Variants in CA9 observed in about 807,000 individuals in gnomAD.
CA9 encodes CA-IX.
A neutral mutation model predicts 51.8 loss-of-function variants in CA9; 43 were observed. The ratio of observed to expected loss-of-function variants is 0.83; its 90% CI spans 0.65 to 1.07. CA9 has a LOEUF of 1.07. CA9 is among the 50% of genes least tolerant of loss of function. CA9 has a pLI of 0.00. For missense variants in CA9, 574 were observed against 581.4 expected (o/e 0.99, Z 0.13); for synonymous variants, 253 against 244.2 (o/e 1.04, Z -0.34).
intron 5 of CA9, among the ~76,000 whole-genome samples, chr9:35,677,342 C>T (rs1365572839): frequency 6.6e-6 from 1 of 152,160 alleles, no homozygotes; most frequent in Non-Finnish European, 1.5e-5. Context: ...AAGCCAAACA[C>T]AGAATCATGA....
chr9:35,675,675 C>CG, intron 2 of CA9, 86 bp from the exon 3 acceptor site: 2 of 1,413,866 alleles, frequency 1.4e-6, no homozygotes, highest in Non-Finnish European at 2.0e-6. Context: ...CGCCGCCCAC[C>CG]GTCCCACCCC....
intron 6 of CA9, 56 bp downstream of exon 6, chr9:35,677,912 C>A: frequency 1.4e-6 from 2 of 1,479,804 alleles, no homozygotes; most frequent in Non-Finnish European, 1.9e-6. Flanking sequence ...AAGAATCACC[C>A]TTTGGAGCTT....
At chr9:35,674,388 C>G in intron 1 of CA9, 26 bp downstream of exon 1, 1 of 1,586,662 alleles carries the variant, frequency 6.3e-7, no homozygotes. Context: ...TCTCCAAATC[C>G]AGGTTCCAGG....
chr9:35,675,909 C>A lies in CA9; in HGVS notation c.582C>A (p.Arg194=), dbSNP rs1824410609. 6.2e-7 allele frequency: 1 copy of A among 1,608,494 alleles called. No individual in the cohort carries two copies. ...AGCTCCCGCCGCTCCCAGAACTGCGCCTGCGCAACAATGGCCACAGTGGTG... is the reference window on the plus strand; with the variant it reads ...AGCTCCCGCCGCTCCCAGAACTGCGACTGCGCAACAATGGCCACAGTGGTG... ...GFQLPPLPEL[R]LRNNGHSVQL... The change falls in exon 3 of 11, where the codon CGC becomes CGA. Residue 194 remains arginine (R), a synonymous_variant. Coordinates refer to ENST00000378357, the MANE Select transcript of CA9 (RefSeq NM_001216.3).
chr9:35,674,218 G>A lies in CA9; in HGVS notation c.259G>A (p.Glu87Lys), dbSNP rs760594473. 7 of 1,612,574 alleles carry A rather than the reference G, an allele frequency of 4.3e-6. No homozygotes were observed. The highest frequency in any genetic ancestry group is 4.0e-5 in the African/African-American group (3 of 74,904). The change falls in exon 1 of 11, where the codon GAG (glutamate) becomes AAG (lysine). Residue 87 changes from glutamate to lysine, a missense_variant. Glu to Lys is a moderately conservative substitution (Grantham distance 56). Transcript: ENST00000378357. ...CGGAGAGGAGGATCTACCTGGAGAGGAGGATCTACCTGGAGAGGAGGATCT... is the reference window on the plus strand; with the variant it reads ...CGGAGAGGAGGATCTACCTGGAGAGAAGGATCTACCTGGAGAGGAGGATCT... ...PPGEEDLPGEEDLPGEEDLPE... is the reference protein window; with the variant it reads ...PPGEEDLPGEKDLPGEEDLPE...
Position 35,676,965 on chromosome 9 carries a change from G to C in CA9, c.840+576G>C, listed in dbSNP as rs573249947. Among the ~76,000 whole-genome samples, 6 of 152,322 alleles carry C rather than the reference G, an allele frequency of 3.9e-5. No individual in the cohort carries two copies. In the South Asian group the frequency reaches 1.2e-3, roughly 32 times the overall value. On this transcript the variant is annotated intron_variant, in intron 5 of 10. Transcript: ENST00000378357. ...CCTCCCGGGTTCAAGGGATTCTCCT[G>C]CCTCAGCTTCCTGAGTAGCTGGGGT...
intron 7 of CA9, 100 bp from the exon 8 acceptor site, chr9:35,679,754 C>A: frequency 8.9e-7 from 1 of 1,128,506 alleles, no homozygotes; most frequent in Non-Finnish European, 1.3e-6. Flanking sequence ...AATACAGGAG[C>A]TGGAGGGTGG....
In CA9 at chr9:35,675,791, C is replaced by T; in HGVS notation, c.464C>T (p.Ala155Val). The T allele has an allele frequency of 6.2e-7, 1 of 1,602,970 alleles. No individual in the cohort carries two copies. Residue 155 changes from alanine to valine, a missense_variant, in exon 3 of 11, where the codon GCC becomes GTC. Ala to Val is a moderately conservative substitution (Grantham distance 64). Transcript: ENST00000378357. ...CCGCCCTGGCCCCGGGTGTCCCCAG[C>T]CTGCGCGGGCCGCTTCCAGTCCCCG... is the stretch of plus-strand genomic sequence containing the variant. ...GDPPWPRVSP[A>V]CAGRFQSPVD...
rs746817775 is a variant in CA9, at chr9:35,674,364, T to G, written c.403+2T>G. 1.2e-6 allele frequency: 2 copies of G among 1,604,940 alleles called. No homozygotes were observed. Among genetic ancestry groups the G allele is most frequent in the Non-Finnish European group, 1.7e-6 (2 of 1,176,110 alleles). On this transcript the variant is annotated splice_donor_variant, in intron 1 of 10. Transcript: ENST00000378357. LOFTEE classifies it high-confidence loss of function. The stretch of plus-strand genomic sequence containing the variant: ...ATAATGCCCACAGGGACAAAGAAGG[T>G]AAGTGGTCATCAATCTCCAAATCCA...
At chr9:35,675,494 T>C (rs773442966) in intron 1 of CA9, 44 bp from the exon 2 acceptor site, 4 of 1,611,512 alleles carry the variant, frequency 2.5e-6, no homozygotes, top group African/African-American at 1.3e-5. Context: ...CAGGAAGGGA[T>C]TGGGGCTCTA....
Position 35,676,211 on chromosome 9 carries a change from G to T in CA9, c.747+5G>T. On this transcript the variant is annotated splice_donor_5th_base_variant and intron_variant, in intron 4 of 10. Transcript: ENST00000378357. ...GGCCACCGTTTCCCTGCCGAGGTGA[G>T]CGCGGAGCTGGCCGAGAAGGGGCAA... 6.2e-7 allele frequency: 1 copy of T among 1,611,978 alleles called. No homozygotes were observed. Among genetic ancestry groups the T allele is most frequent in the Admixed American group, 1.7e-5 (1 of 59,822 alleles).
At position 35,673,996 on chromosome 9, in the gene CA9, T is replaced by A; in HGVS notation, c.37T>A (p.Leu13Met). ...GTGCCCCAGCCCCTGGCTCCCTCTGTTGATCCCGGCCCCTGCTCCAGGCCT... is the reference window on the plus strand; with the variant it reads ...GTGCCCCAGCCCCTGGCTCCCTCTGATGATCCCGGCCCCTGCTCCAGGCCT... ...PLCPSPWLPL[L>M]IPAPAPGLTV... is the part of the protein sequence containing the mutation. Residue 13 changes from leucine (L) to methionine (M), a missense_variant, in exon 1 of 11, where the codon TTG becomes ATG. Physicochemically the swap from Leu to Met is conservative, Grantham distance 15. Transcript: ENST00000378357. The A allele has an allele frequency of 6.2e-7, 1 of 1,610,896 alleles. No individual in the cohort carries two copies. The highest frequency in any genetic ancestry group is 8.5e-7 in the Non-Finnish European group (1 of 1,178,268).
At chr9:35,676,445 G>T (rs1170632669) in intron 5 of CA9, 56 bp downstream of exon 5, 1 of 1,421,366 alleles carries the variant, frequency 7.0e-7, no homozygotes, top group Non-Finnish European at 9.8e-7. Context: ...GCTCCTCCCG[G>T]ACTCTATCGT....
chr9:35,678,628 G>A (rs969857447), intron 6 of CA9, among the ~76,000 whole-genome samples: 1 of 149,724 alleles, frequency 6.7e-6, no homozygotes. Context: ...TGCATTTCTT[G>A]TGTCTGTTTT....
At position 35,675,839 on chromosome 9, in the gene CA9, C is replaced by A; in HGVS notation, c.512C>A (p.Ala171Asp). 6 of 1,604,282 alleles carry A rather than the reference C, an allele frequency of 3.7e-6. No homozygotes were observed. Among genetic ancestry groups the A allele is most frequent in the Non-Finnish European group, 5.1e-6 (6 of 1,179,412 alleles). ...QSPVDIRPQL[A>D]AFCPALRPLE... ...CCGGTGGATATCCGCCCCCAGCTCG[C>A]CGCCTTCTGCCCGGCCCTGCGCCCC... Residue 171 changes from alanine (A) to aspartate (D), a missense_variant, in exon 3 of 11, where the codon GCC becomes GAC. Ala to Asp is a moderately radical substitution (Grantham distance 126, BLOSUM62 -2). Transcript: ENST00000378357.
rs1824411455 is a variant in CA9, at chr9:35,675,942, C to G, written c.604+11C>G. ...ACAATGGCCACAGTGGTGAGGGGGTCTCCCCGCCGAGACTTGGGGATGGGG... is the reference window on the plus strand; with the variant it reads ...ACAATGGCCACAGTGGTGAGGGGGTGTCCCCGCCGAGACTTGGGGATGGGG... On this transcript the variant is annotated intron_variant, in intron 3 of 10. Transcript: ENST00000378357. 1 of 1,598,400 alleles carries G rather than the reference C, an allele frequency of 6.3e-7. No homozygotes were observed. Among genetic ancestry groups the G allele is most frequent in the East Asian group, 2.2e-5 (1 of 44,684 alleles).
chr9:35,675,476 T>G, intron 1 of CA9, 62 bp from the exon 2 acceptor site: 1 of 1,591,188 alleles, frequency 6.3e-7, no homozygotes, highest in Non-Finnish European at 8.6e-7. Flanking sequence ...TGACATCGTT[T>G]TGGTCGCCAG....
At chr9:35,679,157 G>T in intron 6 of CA9, 28 bp from the exon 7 acceptor site, 1 of 1,613,360 alleles carries the variant, frequency 6.2e-7, no homozygotes, top group Non-Finnish European at 8.5e-7. Context: ...CAATGTAGAT[G>T]AGACCCCAAC....
chr9:35,679,751 G>A (rs1824495192), intron 7 of CA9, 103 bp from the exon 8 acceptor site: 1 of 1,084,382 alleles, frequency 9.2e-7, no homozygotes, highest in Non-Finnish European at 1.3e-6. Flanking sequence ...GGGAATACAG[G>A]AGCTGGAGGG....
Sources: allele counts gnomAD v4.1 joint callset (sites outside exome capture counted in the v4.1 genomes callset), GRCh38; gene constraint gnomAD v4.1.1; transcripts MANE v1.5; gene names NCBI Gene and HGNC (gene_info 2026-07-23, HGNC 2026-07-21).